PRTG: variants seen among roughly 807,000 people sequenced by gnomAD.
The protein encoded by PRTG is protogenin.
A neutral mutation model predicts 122.5 loss-of-function variants in PRTG; 67 were observed. The observed-to-expected ratio is 0.55, with a 90% CI of 0.45 to 0.67. PRTG has a LOEUF of 0.67. Ranked by LOEUF, PRTG falls within the 30% of genes least tolerant of loss-of-function variation. The probability of loss-of-function intolerance (pLI) is 0.00; values close to 1 mark genes in which losing one functional copy is unlikely to be tolerated. For synonymous variants in PRTG, 554 were observed against 501.1 expected (o/e 1.11, Z -1.41); for missense variants, 1,435 against 1,415.4 (o/e 1.01, Z -0.22).
intron 2 of PRTG, among the ~76,000 whole-genome samples, chr15:55,731,234 C>CTCT (rs10653451): frequency 0.14 from 20,765 of 151,962 alleles, 1,823 homozygotes; most frequent in East Asian, 0.35. Context: ...CTGGTTACAT[C>CTCT]TCTTCCTATT....
At chr15:55,641,314 T>C (rs2059289250) in intron 11 of PRTG, 106 bp from the exon 12 acceptor site, 1 of 691,274 alleles carries the variant, frequency 1.4e-6, no homozygotes, top group Non-Finnish European at 2.5e-6. Flanking sequence ...GCTGAATGCA[T>C]AAAAGTTCTC....
chr15:55,682,286 T>G, intron 4 of PRTG, 78 bp downstream of exon 4: 2 of 1,200,818 alleles, frequency 1.7e-6, no homozygotes, highest in Non-Finnish European at 2.2e-6. Flanking sequence ...TTATGGCACA[T>G]TATTACAGCA....
intron 2 of PRTG, among the ~76,000 whole-genome samples, chr15:55,719,104 T>C (rs1331614045): frequency 6.6e-6 from 1 of 152,212 alleles, no homozygotes; most frequent in Non-Finnish European, 1.5e-5. Context: ...TAAACATACA[T>C]ACTTTTAAAC....
intron 2 of PRTG, among the ~76,000 whole-genome samples, chr15:55,721,825 G>C (rs1169453459): frequency 6.6e-6 from 1 of 152,114 alleles, no homozygotes; most frequent in Non-Finnish European, 1.5e-5. Context: ...TGAGCAAATG[G>C]GGAAGCCCTT....
At chr15:55,716,795 A>C (rs1051670507) in intron 2 of PRTG, among the ~76,000 whole-genome samples, 2 of 152,362 alleles carry the variant, frequency 1.3e-5, no homozygotes, top group East Asian at 3.9e-4. Context: ...AAGCAACTTT[A>C]CAGCAATATA....
intron 1 of PRTG, 132 bp downstream of exon 1, chr15:55,742,706 G>A (rs1404670374): frequency 4.6e-6 from 5 of 1,095,622 alleles, no homozygotes; most frequent in East Asian, 2.9e-5. Context: ...GAGAGCGGGG[G>A]CCGGGGGTCA....
intron 12 of PRTG, 197 bp from the exon 13 acceptor site, chr15:55,640,025 G>C: frequency 1.2e-6 from 1 of 862,204 alleles, no homozygotes; most frequent in Non-Finnish European, 1.4e-6. Flanking sequence ...GTCAAAAACA[G>C]TCATGCATCA....
At chr15:55,624,262 T>C in intron 18 of PRTG, 80 bp downstream of exon 18, 1 of 1,282,202 alleles carries the variant, frequency 7.8e-7, no homozygotes. Flanking sequence ...CAACATACAA[T>C]TTTGGGGGAA....
intron 11 of PRTG, among the ~76,000 whole-genome samples, chr15:55,654,324 A>G (rs2059368927): frequency 6.6e-6 from 1 of 152,210 alleles, no homozygotes; most frequent in South Asian, 2.1e-4. Context: ...AATTTATAGT[A>G]GTTGTATATG....
At chr15:55,681,964 A>G (rs1052861298) in intron 4 of PRTG, among the ~76,000 whole-genome samples, 1 of 152,136 alleles carries the variant, frequency 6.6e-6, no homozygotes, top group Non-Finnish European at 1.5e-5. Flanking sequence ...AAAATATAGT[A>G]TAACAATGAT....
intron 2 of PRTG, among the ~76,000 whole-genome samples, chr15:55,711,954 T>G (rs1478061705): frequency 6.6e-6 from 1 of 152,160 alleles, no homozygotes; most frequent in Non-Finnish European, 1.5e-5. Context: ...TACAAGTAGA[T>G]GACAACCCTC....
chr15:55,695,859 T>C (rs8026215), intron 2 of PRTG, among the ~76,000 whole-genome samples: 3,277 of 152,180 alleles, frequency 0.022, 120 homozygotes, highest in African/African-American at 0.073. Flanking sequence ...TAGTCTCAGC[T>C]ACTCTGGAGG....
chr15:55,629,399 G>T (rs377379080), intron 15 of PRTG, among the ~76,000 whole-genome samples: 5,875 of 110,936 alleles, frequency 0.053, 233 homozygotes, highest in South Asian at 0.1. Context: ...GTGTGTGTGT[G>T]TGTGTGTGTG....
chr15:55,624,517 T>A lies in PRTG; in HGVS notation c.2928-10A>T. 1 of 1,605,522 alleles carries A rather than the reference T, an allele frequency of 6.2e-7. No homozygotes were observed. Among genetic ancestry groups the A allele is most frequent in the Non-Finnish European group, 8.5e-7 (1 of 1,176,040 alleles). The stretch of plus-strand genomic sequence containing the variant: ...GGAAGCAGATGATTTCCTAAAACAT[T>A]GGCAAGAAGAGGAAGTCTTCTAATT... On this transcript the variant is annotated splice_polypyrimidine_tract_variant and intron_variant, in intron 17 of 19. Coordinates refer to ENST00000389286, the MANE Select transcript of PRTG (RefSeq NM_173814.6).
intron 2 of PRTG, among the ~76,000 whole-genome samples, chr15:55,695,909 T>C (rs978504589): frequency 6.6e-6 from 1 of 152,068 alleles, no homozygotes; most frequent in Non-Finnish European, 1.5e-5. Flanking sequence ...AGGCAGAGGT[T>C]GCAGTGAGCC....
rs901828868 is a variant in PRTG at position 55,615,200 on chromosome 15, CT to C, written c.*4811del. 2.6e-4 allele frequency: 40 copies of C among 152,140 alleles called. No homozygotes were observed. The highest frequency in any genetic ancestry group is 9.1e-4 in the African/African-American group (38 of 41,536). 9.4% of individuals were successfully genotyped at this position (152,140 alleles called of 1,614,324 possible). A position where few individuals can be genotyped will look rare whatever the true frequency, so the allele number is the denominator to read the frequency against. On this transcript the variant is annotated 3_prime_UTR_variant, in exon 20 of 20. Transcript: ENST00000389286. ...AAGGAAATAGATTTTTCCCTAAAGC[CT>C]CAAAAAGAAACAGCCCTGCAAGCGC...
At chr15:55,667,832 T>C (rs1172335642) in intron 11 of PRTG, among the ~76,000 whole-genome samples, 1 of 152,168 alleles carries the variant, frequency 6.6e-6, no homozygotes, top group Non-Finnish European at 1.5e-5. Context: ...ACACCTACCA[T>C]CCTGGCACTT....
intron 11 of PRTG, among the ~76,000 whole-genome samples, chr15:55,665,422 T>C (rs1312920892): frequency 3.3e-5 from 5 of 151,712 alleles, no homozygotes; most frequent in African/African-American, 1.2e-4. Context: ...GCAAGAACTA[T>C]ACACAGTCTA....
chr15:55,637,425 A>G, intron 14 of PRTG, 85 bp from the exon 15 acceptor site: 1 of 1,219,040 alleles, frequency 8.2e-7, no homozygotes, highest in Non-Finnish European at 1.1e-6. Flanking sequence ...CTTAGAAAAA[A>G]GTTCAAAAAA....
Sources: gnomAD v4.1 joint callset for allele counts (sites outside exome capture counted in the v4.1 genomes callset) on GRCh38, gnomAD v4.1.1 for gene constraint, MANE v1.5 for transcripts, NCBI Gene and HGNC (gene_info 2026-07-23, HGNC 2026-07-21) for gene names.